CFAP61: variants seen among roughly 807,000 people sequenced by gnomAD.
CFAP61 encodes cilia- and flagella-associated protein 61.
CFAP61 carries 107 observed loss-of-function variants against 135.6 expected under a neutral mutation model. That is an observed-to-expected ratio of 0.79 (90% CI 0.67 to 0.93). The LOEUF is 0.93. CFAP61 is among the 40% of genes least tolerant of loss of function. The probability of loss-of-function intolerance (pLI) is 0.00; values close to 1 mark genes in which losing one functional copy is unlikely to be tolerated. For synonymous variants in CFAP61, 575 were observed against 578.5 expected (o/e 0.99, Z 0.09); for missense variants, 1,507 against 1,556.2 (o/e 0.97, Z 0.53).
intron 25 of CFAP61, among the ~76,000 whole-genome samples, chr20:20,318,382 G>A (rs1397113794): frequency 2.6e-5 from 4 of 152,176 alleles, no homozygotes; most frequent in Non-Finnish European, 5.9e-5. Flanking sequence ...ATTTTTAAAA[G>A]GTTTTATTTA....
At chr20:20,276,555 GTGA>G (rs567103397) in intron 21 of CFAP61, among the ~76,000 whole-genome samples, 177 of 152,248 alleles carry the variant, frequency 1.2e-3, no homozygotes, top group Middle Eastern at 3.4e-3. Context: ...AGATTATTTT[GTGA>G]TTTTATTTTT....
intron 24 of CFAP61, among the ~76,000 whole-genome samples, chr20:20,296,829 T>C (rs2055665568): frequency 6.6e-6 from 1 of 152,192 alleles, no homozygotes; most frequent in African/African-American, 2.4e-5. Context: ...ATGAAATATA[T>C]TTTAACACTA....
At chr20:20,297,506 A>G (rs374602609) in intron 24 of CFAP61, among the ~76,000 whole-genome samples, 2 of 152,174 alleles carry the variant, frequency 1.3e-5, no homozygotes, top group East Asian at 1.9e-4. Context: ...TCACTGTGGC[A>G]TGGAATTGGA....
intron 21 of CFAP61, among the ~76,000 whole-genome samples, chr20:20,276,566 T>G (rs2053781836): frequency 6.6e-6 from 1 of 152,238 alleles, no homozygotes; most frequent in African/African-American, 2.4e-5. Context: ...TGATTTTATT[T>G]TTGCTAACAA....
At chr20:20,313,074 T>C (rs1028843426) in intron 25 of CFAP61, among the ~76,000 whole-genome samples, 1 of 152,226 alleles carries the variant, frequency 6.6e-6, no homozygotes, top group Non-Finnish European at 1.5e-5. Flanking sequence ...TAACCCCCTA[T>C]GTGACTGTAT....
chr20:20,355,386 T>A (rs2059059044), intron 26 of CFAP61, among the ~76,000 whole-genome samples: 1 of 81,874 alleles, frequency 1.2e-5, no homozygotes, highest in African/African-American at 5.0e-5. Context: ...AGTGACACTG[T>A]GAGCAGAGAT....
At chr20:20,211,300 G>A (rs890897197) in intron 17 of CFAP61, among the ~76,000 whole-genome samples, 2 of 152,182 alleles carry the variant, frequency 1.3e-5, no homozygotes, top group African/African-American at 4.8e-5. Context: ...TTTCACCTCT[G>A]TGTTCCATTA....
chr20:20,350,314 C>G (rs1183266413), intron 26 of CFAP61, among the ~76,000 whole-genome samples: 2 of 152,166 alleles, frequency 1.3e-5, no homozygotes, highest in African/African-American at 2.4e-5. Flanking sequence ...GACTCAGCAA[C>G]TGCACTTCTA....
intron 18 of CFAP61, among the ~76,000 whole-genome samples, chr20:20,228,842 G>A (rs1389203700): frequency 6.6e-6 from 1 of 152,214 alleles, no homozygotes; most frequent in Non-Finnish European, 1.5e-5. Flanking sequence ...TAAAGATGTA[G>A]ATTCCAAGAT....
intron 2 of CFAP61, chr20:20,069,983 A>T (rs1361139715): frequency 7.3e-6 from 2 of 274,308 alleles, no homozygotes; most frequent in Middle Eastern, 4.8e-4. Context: ...ATTTCATTTC[A>T]CTAAGAAAGT....
intron 8 of CFAP61, among the ~76,000 whole-genome samples, chr20:20,129,387 C>T (rs966293508): frequency 2.6e-5 from 4 of 151,824 alleles, no homozygotes; most frequent in Non-Finnish European, 5.9e-5. Flanking sequence ...TTGAAAATGT[C>T]ATCTCACTCC....
chr20:20,140,775 G>A (rs543235690), intron 8 of CFAP61, among the ~76,000 whole-genome samples: 16 of 151,946 alleles, frequency 1.1e-4, no homozygotes, highest in Admixed American at 3.3e-4. Flanking sequence ...TATGCTTATT[G>A]CGGCACTATT....
chr20:20,290,494 A>G, intron 24 of CFAP61, 103 bp downstream of exon 24: 1 of 768,548 alleles, frequency 1.3e-6, no homozygotes, highest in Non-Finnish European at 2.2e-6. Flanking sequence ...GTGTTGGTTC[A>G]CACATCAGAA....
chr20:20,090,775 C>T, intron 6 of CFAP61, 69 bp from the exon 7 acceptor site: 1 of 1,524,614 alleles, frequency 6.6e-7, no homozygotes, highest in Non-Finnish European at 9.0e-7. Context: ...GTCTGGCACA[C>T]AGTTGGTGCC....
At chr20:20,357,063 A>G (rs76603929) in intron 26 of CFAP61, among the ~76,000 whole-genome samples, 3,185 of 12,928 alleles carry the variant, frequency 0.25, 39 homozygotes, top group Non-Finnish European at 0.3. Context: ...ACTGAGGGGA[A>G]GTGGTCACAC....
At chr20:20,341,624 C>T (rs2058447041) in intron 25 of CFAP61, among the ~76,000 whole-genome samples, 1 of 152,182 alleles carries the variant, frequency 6.6e-6, no homozygotes, top group Non-Finnish European at 1.5e-5. Context: ...AATTAAACCA[C>T]TTTAAATGTA....
At chr20:20,350,896 C>T (rs2058811395) in intron 26 of CFAP61, among the ~76,000 whole-genome samples, 2 of 152,206 alleles carry the variant, frequency 1.3e-5, no homozygotes, top group South Asian at 4.1e-4. Context: ...ACAAAATTTG[C>T]ATCCTTTCAT....
At chr20:20,198,024 G>A (rs938877633) in intron 16 of CFAP61, among the ~76,000 whole-genome samples, 10 of 152,134 alleles carry the variant, frequency 6.6e-5, no homozygotes, top group Non-Finnish European at 2.9e-5. Flanking sequence ...AAAACCTTTT[G>A]GAGAAGTCCA....
chr20:20,257,853 T>C (rs1170238452), intron 20 of CFAP61, among the ~76,000 whole-genome samples: 1 of 152,190 alleles, frequency 6.6e-6, no homozygotes, highest in Admixed American at 6.5e-5. Flanking sequence ...ATATGCATTG[T>C]CTTAAGGGGA....
Sources: gnomAD v4.1 joint callset for allele counts (sites outside exome capture counted in the v4.1 genomes callset) on GRCh38, gnomAD v4.1.1 for gene constraint, MANE v1.5 for transcripts, NCBI Gene and HGNC (gene_info 2026-07-23, HGNC 2026-07-21) for gene names.